The following BCAT1 variants were observed in gnomAD, a reference collection of about 807,000 sequenced individuals.
BCAT1 encodes branched-chain-amino-acid aminotransferase, cytosolic.
Under a neutral mutation model 52.4 loss-of-function variants are expected in BCAT1, and 48 were observed. That is an observed-to-expected ratio of 0.92 (90% confidence interval 0.73 to 1.16). The LOEUF (loss-of-function observed/expected upper bound fraction) is 1.16. Among genes scored for constraint, BCAT1 ranks in the 50% most tolerant of loss-of-function variants. The pLI is 0.00. For synonymous variants in BCAT1, 167 were observed against 161.3 expected, an observed-to-expected ratio of 1.04 and a Z score of -0.27; for missense variants, 451 against 457.1, an observed-to-expected ratio of 0.99 and a Z score of 0.12.
intron 1 of BCAT1, among the ~76,000 whole-genome samples, chr12:24,934,833 G>A (rs964374638): frequency 3.9e-5 from 6 of 152,134 alleles, no homozygotes; most frequent in Non-Finnish European, 8.8e-5. Context: ...GATTACAGGG[G>A]GATACAAATT....
chr12:24,887,130 G>T (rs1942704088), intron 3 of BCAT1, among the ~76,000 whole-genome samples: 1 of 121,996 alleles, frequency 8.2e-6, no homozygotes, highest in Non-Finnish European at 1.6e-5. Flanking sequence ...AAGCCCCTCG[G>T]GTTTATCATC....
intron 3 of BCAT1, 68 bp from the exon 4 acceptor site, chr12:24,881,479 C>G: frequency 2.0e-6 from 2 of 1,004,658 alleles, no homozygotes; most frequent in Non-Finnish European, 3.1e-6. Context: ...AAGAGACTGA[C>G]TTTCCTATGG....
chr12:24,906,427 G>A (rs1211462555), intron 1 of BCAT1, among the ~76,000 whole-genome samples: 2 of 152,108 alleles, frequency 1.3e-5, no homozygotes, highest in East Asian at 3.9e-4. Flanking sequence ...CAGAGAAGAG[G>A]TCTGGATTAG....
chr12:24,884,247 A>G (rs1440389179), intron 3 of BCAT1, among the ~76,000 whole-genome samples: 3 of 152,248 alleles, frequency 2.0e-5, no homozygotes, highest in Admixed American at 1.3e-4. Flanking sequence ...AGACAAGTAC[A>G]GAAAGACAAA....
chr12:24,888,696 TCA>T (rs1942750798), intron 3 of BCAT1, among the ~76,000 whole-genome samples: 1 of 152,094 alleles, frequency 6.6e-6, no homozygotes, highest in Non-Finnish European at 1.5e-5. Flanking sequence ...CAGAAGGCAA[TCA>T]CACTTCCTAG....
chr12:24,823,064 C>CT (rs1484910435), intron 10 of BCAT1, among the ~76,000 whole-genome samples: 13 of 133,374 alleles, frequency 9.7e-5, no homozygotes, highest in East Asian at 2.2e-4. Context: ...GTTTTGACTT[C>CT]TTTTTTTTTC....
At chr12:24,943,128 T>G (rs574012471) in intron 1 of BCAT1, among the ~76,000 whole-genome samples, 54 of 152,332 alleles carry the variant, frequency 3.5e-4, no homozygotes, top group African/African-American at 1.3e-3. Context: ...TAATAACCAA[T>G]AATTTAGATA....
intron 3 of BCAT1, 110 bp downstream of exon 3, chr12:24,894,165 G>T: frequency 1.9e-6 from 2 of 1,048,464 alleles, no homozygotes; most frequent in Non-Finnish European, 2.7e-6. Flanking sequence ...GCTTCCTCTG[G>T]TAAATATGAT....
At chr12:24,850,744 G>C (rs1941483182) in intron 5 of BCAT1, among the ~76,000 whole-genome samples, 1 of 152,126 alleles carries the variant, frequency 6.6e-6, no homozygotes, top group Non-Finnish European at 1.5e-5. Flanking sequence ...TCTGTTTCCT[G>C]TATGTCACTT....
At chr12:24,947,167 CCACACACACACA>C (rs57265449) in intron 1 of BCAT1, among the ~76,000 whole-genome samples, 8,372 of 141,218 alleles carry the variant, frequency 0.059, 259 homozygotes, top group Middle Eastern at 0.087. Flanking sequence ...CGTCTTCCCT[CCACACACACACA>C]CACACACACA....
At position 24,811,836 on chromosome 12, in the gene BCAT1, G is replaced by A. The variant is rs1264927035; in HGVS notation, c.*6172C>T. 3 of 152,100 alleles carry A rather than the reference G, an allele frequency of 2.0e-5. No individual in the cohort carries two copies. In the East Asian group the frequency reaches 5.8e-4, roughly 29 times the overall value. The allele number at this position is 152,100 out of a possible 1,614,324, so 9.4% of individuals were successfully genotyped here. Reference sequence around the variant, plus strand: ...AATCAGATTCAGATACAAGAGAACAGGTTCTAACAATTTCATAATTAAGTT... The same window carrying A: ...AATCAGATTCAGATACAAGAGAACAAGTTCTAACAATTTCATAATTAAGTT... On this transcript the variant is annotated 3_prime_UTR_variant, in exon 11 of 11. Coordinates refer to ENST00000261192, the MANE Select transcript of BCAT1 (RefSeq NM_005504.7).
At chr12:24,889,367 C>G (rs1360955735) in intron 3 of BCAT1, among the ~76,000 whole-genome samples, 1 of 152,204 alleles carries the variant, frequency 6.6e-6, no homozygotes, top group Admixed American at 6.5e-5. Context: ...CATATCTCCC[C>G]ATTTATCACT....
intron 1 of BCAT1, among the ~76,000 whole-genome samples, chr12:24,923,100 A>T (rs1943526303): frequency 6.6e-6 from 1 of 152,088 alleles, no homozygotes; most frequent in Non-Finnish European, 1.5e-5. Context: ...TCATGTAAAC[A>T]CCCCTACCTA....
chr12:24,870,000 A>G (rs557351062), intron 5 of BCAT1, among the ~76,000 whole-genome samples: 72 of 142,512 alleles, frequency 5.1e-4, no homozygotes, highest in African/African-American at 1.6e-3. Context: ...GTGTGTGTGT[A>G]TATATGTGTG....
intron 1 of BCAT1, among the ~76,000 whole-genome samples, chr12:24,913,516 AG>A (rs1335484364): frequency 6.6e-6 from 1 of 152,198 alleles, no homozygotes; most frequent in Non-Finnish European, 1.5e-5. Flanking sequence ...ACGATGGCTC[AG>A]GGTTGCCATC....
intron 4 of BCAT1, among the ~76,000 whole-genome samples, chr12:24,880,164 T>A (rs868057771): frequency 2.0e-5 from 3 of 152,194 alleles, no homozygotes; most frequent in Non-Finnish European, 2.9e-5. Flanking sequence ...GCTAAATCCC[T>A]GAAGCTGGGC....
chr12:24,901,924 TGG>T (rs1331326656), intron 1 of BCAT1, 39 bp from the exon 2 acceptor site: 1 of 1,613,456 alleles, frequency 6.2e-7, no homozygotes, highest in Non-Finnish European at 8.5e-7. Flanking sequence ...TAAATGCAGG[TGG>T]GTAAGCGGGA....
intron 1 of BCAT1, among the ~76,000 whole-genome samples, chr12:24,938,399 T>G (rs558525522): frequency 2.0e-5 from 3 of 152,118 alleles, no homozygotes; most frequent in Non-Finnish European, 4.4e-5. Flanking sequence ...CAAAGGTTAT[T>G]GGGGGCAGAT....
At chr12:24,920,368 A>C (rs190880579) in intron 1 of BCAT1, among the ~76,000 whole-genome samples, 4 of 152,348 alleles carry the variant, frequency 2.6e-5, no homozygotes, top group African/African-American at 9.6e-5. Flanking sequence ...GGCCTGCTGC[A>C]GGGCTGAGAA....
Sources: allele counts gnomAD v4.1 joint callset (sites outside exome capture counted in the v4.1 genomes callset), GRCh38; gene constraint gnomAD v4.1.1; transcripts MANE v1.5; gene names NCBI Gene and HGNC (gene_info 2026-07-23, HGNC 2026-07-21).